The following AK9 variants were observed in gnomAD, a reference collection of about 807,000 sequenced individuals.
The protein encoded by AK9 is adenylate kinase domain containing 1.
AK9 carries 191 observed loss-of-function variants against 239.6 expected under a neutral mutation model. The observed-to-expected ratio is 0.80, with a 90% CI of 0.71 to 0.90. The LOEUF (loss-of-function observed/expected upper bound fraction) is 0.90. Among genes scored for constraint, AK9 ranks in the 40% least tolerant of loss-of-function variants. The probability of loss-of-function intolerance (pLI) is 0.00; values close to 1 mark genes in which losing one functional copy is unlikely to be tolerated. For synonymous variants in AK9, 689 were observed against 721.0 expected, an observed-to-expected ratio of 0.96 and a Z score of 0.71; for missense variants, 1,995 against 2,214.7, an observed-to-expected ratio of 0.90 and a Z score of 1.99.
chr6:109,576,840 T>C lies in AK9; in HGVS notation c.2191+2710A>G, dbSNP rs182778854. On this transcript the variant is annotated intron_variant, in intron 20 of 40. Transcript: ENST00000424296. Reference sequence around the variant, plus strand: ...TGGGTTTGTCATAGATTTCTTTTTTTTTTTTTTTGAGACAGACTCTCACTC... The same window carrying C: ...TGGGTTTGTCATAGATTTCTTTTTTCTTTTTTTTGAGACAGACTCTCACTC... Among the ~76,000 whole-genome samples the C allele has an allele frequency of 2.8e-3, 422 of 151,594 alleles. 1 individual carries two copies. Among genetic ancestry groups the C allele is most frequent in the African/African-American group, 9.7e-3 (403 of 41,390 alleles).
intron 26 of AK9, among the ~76,000 whole-genome samples, chr6:109,542,463 A>C (rs1466681100): frequency 2.0e-5 from 3 of 152,226 alleles, no homozygotes; most frequent in African/African-American, 7.2e-5. Flanking sequence ...ACTAGAAGAG[A>C]GGGCTTGAAA....
intron 17 of AK9, among the ~76,000 whole-genome samples, chr6:109,592,744 C>T (rs905190431): frequency 8.0e-5 from 12 of 150,924 alleles, no homozygotes; most frequent in South Asian, 2.1e-4. Flanking sequence ...CCGTGCCCAG[C>T]GGGATTTTTT....
chr6:109,631,068 A>G (rs1796047210), intron 12 of AK9, among the ~76,000 whole-genome samples: 1 of 152,224 alleles, frequency 6.6e-6, no homozygotes, highest in Admixed American at 6.5e-5. Flanking sequence ...TCTAAATGTG[A>G]AAGTCAAAAC....
chr6:109,598,358 A>G (rs1160197390), intron 17 of AK9, among the ~76,000 whole-genome samples: 1 of 152,086 alleles, frequency 6.6e-6, no homozygotes, highest in Non-Finnish European at 1.5e-5. Context: ...TTTGCTAAGA[A>G]TGATGGTTTC....
Position 109,550,184 on chromosome 6 carries a change from T to C in AK9, c.2870A>G (p.Tyr957Cys), listed in dbSNP as rs985403030. 19 of 1,613,880 alleles carry C rather than the reference T, an allele frequency of 1.2e-5. No homozygotes were observed. The highest frequency in any genetic ancestry group is 1.7e-5 in the Admixed American group (1 of 59,998). Reference sequence around the variant, plus strand: ...TGAAAAGTAGTAGATCTTTTCTCGATACTTGGCTGCTTCTTCTGTGTTTCC... The same window carrying C: ...TGAAAAGTAGTAGATCTTTTCTCGACACTTGGCTGCTTCTTCTGTGTTTCC... ...QPGNTEEAAKYREKIYYFSSA... is the reference protein window; with the variant it reads ...QPGNTEEAAKCREKIYYFSSA... The change falls in exon 25 of 41, where the codon TAT becomes TGT. Residue 957 changes from tyrosine (Y) to cysteine (C), a missense_variant. By Grantham distance (194) the Tyr-to-Cys change is radical (BLOSUM62 -2). Coordinates refer to ENST00000424296, the MANE Select transcript of AK9 (RefSeq NM_001145128.3).
At chr6:109,579,524 C>A in intron 20 of AK9, 26 bp downstream of exon 20, 1 of 1,536,206 alleles carries the variant, frequency 6.5e-7, no homozygotes, top group Non-Finnish European at 8.8e-7. Flanking sequence ...CATGACACAT[C>A]ATCAGTCATA....
chr6:109,632,251 A>G, intron 12 of AK9: 1 of 985,422 alleles, frequency 1.0e-6, no homozygotes. Flanking sequence ...AACTTCTAAC[A>G]CCTTTCTGTG....
intron 17 of AK9, among the ~76,000 whole-genome samples, chr6:109,592,434 C>G (rs1790380062): frequency 6.9e-6 from 1 of 145,914 alleles, no homozygotes; most frequent in Admixed American, 7.1e-5. Flanking sequence ...TGTTGTTAGT[C>G]TAATGGGATT....
At chr6:109,683,482 T>C (rs578081951) in intron 1 of AK9, among the ~76,000 whole-genome samples, 1 of 152,326 alleles carries the variant, frequency 6.6e-6, no homozygotes, top group East Asian at 1.9e-4. Context: ...GAGGACATGA[T>C]TGTATATTTA....
intron 29 of AK9, among the ~76,000 whole-genome samples, chr6:109,518,848 G>T (rs1779531744): frequency 6.6e-6 from 1 of 151,882 alleles, no homozygotes; most frequent in African/African-American, 2.4e-5. Context: ...CGGGGTACGT[G>T]TGCAGGCTTG....
At chr6:109,671,735 A>C (rs1770924677) in intron 5 of AK9, among the ~76,000 whole-genome samples, 184 bp downstream of exon 5, 1 of 131,718 alleles carries the variant, frequency 7.6e-6, no homozygotes, top group Admixed American at 8.0e-5. Flanking sequence ...TTTTAAAACA[A>C]ATGTACAATC....
chr6:109,647,232 A>G (rs1156601110), intron 8 of AK9, among the ~76,000 whole-genome samples: 1 of 152,220 alleles, frequency 6.6e-6, no homozygotes, highest in East Asian at 1.9e-4. Flanking sequence ...AAATTCACAA[A>G]TAACAATATT....
At chr6:109,597,046 T>C (rs1344779303) in intron 17 of AK9, among the ~76,000 whole-genome samples, 2 of 152,210 alleles carry the variant, frequency 1.3e-5, no homozygotes, top group African/African-American at 4.8e-5. Context: ...AGAAAATCTA[T>C]ATAGAAAATC....
At chr6:109,543,993 C>A (rs1288184468) in intron 26 of AK9, among the ~76,000 whole-genome samples, 1 of 151,922 alleles carries the variant, frequency 6.6e-6, no homozygotes, top group East Asian at 2.0e-4. Context: ...GTGGTGCATG[C>A]CTGCAGTCCC....
At chr6:109,570,028 C>A (rs972535852) in intron 21 of AK9, among the ~76,000 whole-genome samples, 1 of 152,138 alleles carries the variant, frequency 6.6e-6, no homozygotes, top group African/African-American at 2.4e-5. Context: ...TTGGAACCAA[C>A]CCAAATGTCC....
chr6:109,654,876 C>T (rs989267684), intron 8 of AK9, among the ~76,000 whole-genome samples: 5 of 152,184 alleles, frequency 3.3e-5, no homozygotes, highest in African/African-American at 1.2e-4. Flanking sequence ...TGGAGACACA[C>T]TGAACTTTAG....
At chr6:109,641,031 T>A (rs1315573969) in intron 10 of AK9, among the ~76,000 whole-genome samples, 1 of 151,860 alleles carries the variant, frequency 6.6e-6, no homozygotes, top group South Asian at 2.1e-4. Flanking sequence ...TTGTGTTGTG[T>A]CTAATATCTG....
At chr6:109,648,685 C>T (rs1798457443) in intron 8 of AK9, among the ~76,000 whole-genome samples, 2 of 152,216 alleles carry the variant, frequency 1.3e-5, no homozygotes. Flanking sequence ...GGTACCATTC[C>T]TTCTGAAACT....
In AK9 at chr6:109,633,166, T is replaced by C; in HGVS notation, c.1073+18A>G. 6.3e-7 allele frequency: 1 copy of C among 1,575,560 alleles called. No homozygotes were observed. Among genetic ancestry groups the C allele is most frequent in the South Asian group, 1.2e-5 (1 of 84,618 alleles). Reference sequence around the variant, plus strand: ...GTATGAGGAAGATTTAAAATTAAGTTCTGAAAATCTTACTTACCTCACAGA... The same window carrying C: ...GTATGAGGAAGATTTAAAATTAAGTCCTGAAAATCTTACTTACCTCACAGA... On this transcript the variant is annotated intron_variant, in intron 11 of 40. Coordinates refer to ENST00000424296, the MANE Select transcript of AK9 (RefSeq NM_001145128.3).
Sources: allele counts gnomAD v4.1 joint callset (sites outside exome capture counted in the v4.1 genomes callset), GRCh38; gene constraint gnomAD v4.1.1; transcripts MANE v1.5; gene names NCBI Gene and HGNC (gene_info 2026-07-23, HGNC 2026-07-21).